Variants in RABGAP1 observed in about 807,000 individuals in gnomAD.
The protein encoded by RABGAP1 is rab GTPase-activating protein 1.
Under a neutral mutation model 137.6 loss-of-function variants are expected in RABGAP1, and 23 were observed. That is an observed-to-expected ratio of 0.17 (90% CI 0.12 to 0.24). The LOEUF is 0.24. RABGAP1 is among the 10% of genes least tolerant of loss of function. The pLI, the probability that RABGAP1 is intolerant of heterozygous loss-of-function variation, is 1.00. For synonymous variants in RABGAP1, 451 were observed against 450.7 expected, an observed-to-expected ratio of 1.00 and a Z score of -0.01; for missense variants, 906 against 1,275.8, an observed-to-expected ratio of 0.71 and a Z score of 4.42.
intron 2 of RABGAP1, among the ~76,000 whole-genome samples, chr9:122,964,421 T>C (rs1835019143): frequency 6.6e-6 from 1 of 152,136 alleles, no homozygotes; most frequent in African/African-American, 2.4e-5. Context: ...CATCTGAAAA[T>C]TATTAATGTA....
At chr9:122,933,512 G>T in the RABGAP1 span, among the ~76,000 whole-genome samples, 1 of 151,352 alleles carries the variant, frequency 6.6e-6, no homozygotes, top group African/African-American at 2.4e-5. Context: ...GGAGTGCAGT[G>T]GTGCCATCTC....
At chr9:122,993,890 C>G (rs1025170001) in intron 6 of RABGAP1, among the ~76,000 whole-genome samples, 3 of 152,194 alleles carry the variant, frequency 2.0e-5, no homozygotes, top group Non-Finnish European at 4.4e-5. Flanking sequence ...TCTCAAACTC[C>G]TGACCTCAAA....
chr9:122,990,603 C>CTACTAAAAATACAAAAT (rs1352338888), intron 6 of RABGAP1: 1 of 150,718 alleles, frequency 6.6e-6, no homozygotes, highest in Non-Finnish European at 1.5e-5. Flanking sequence ...AACCTTGTCT[C>CTACTAAAAATACAAAAT]TACTAAAAAT....
At chr9:123,078,621 G>C in intron 19 of RABGAP1, among the ~76,000 whole-genome samples, 1 of 152,104 alleles carries the variant, frequency 6.6e-6, no homozygotes, top group Admixed American at 6.5e-5. Context: ...ACCTCAGCCT[G>C]GTTCAGCACA....
chr9:123,069,684 C>T (rs534331308), intron 14 of RABGAP1, among the ~76,000 whole-genome samples: 1 of 151,986 alleles, frequency 6.6e-6, no homozygotes, highest in East Asian at 1.9e-4. Context: ...GGTTAGAGAC[C>T]AGCCTGGGCA....
intron 1 of RABGAP1, among the ~76,000 whole-genome samples, chr9:122,950,377 C>CTTTTTTTTTTTTTT (rs200424486): frequency 2.1e-3 from 155 of 74,482 alleles, no homozygotes; most frequent in Admixed American, 2.8e-3. Flanking sequence ...CTTTTTCTTT[C>CTTTTTTTTTTTTTT]TTTTTTTTTT....
At chr9:122,964,590 T>C (rs1835035222) in intron 2 of RABGAP1, among the ~76,000 whole-genome samples, 1 of 152,128 alleles carries the variant, frequency 6.6e-6, no homozygotes, top group Admixed American at 6.5e-5. Flanking sequence ...ATAAAGGACA[T>C]TTACAGAAAG....
intron 13 of RABGAP1, among the ~76,000 whole-genome samples, chr9:123,058,766 T>A (rs972324633): frequency 6.6e-6 from 1 of 152,228 alleles, no homozygotes; most frequent in Non-Finnish European, 1.5e-5. Flanking sequence ...CTTGAAGTTT[T>A]CAAAGAAATA....
intron 13 of RABGAP1, chr9:123,063,390 GCATTTATATGTTCAGTTC>G (rs1384694659): frequency 6.6e-6 from 1 of 152,616 alleles, no homozygotes; most frequent in African/African-American, 2.4e-5. Context: ...GTCTTTTCAT[GCATTTATATGTTCAGTTC>G]TCTTTGGTAA....
rs552457119 is a variant in RABGAP1 at position 123,051,216 on chromosome 9, G to GTTTTTTTTTTTTTTTTTT, written c.1795-14101_1795-14084dup. 8.8e-5 allele frequency among the ~76,000 whole-genome samples: 3 copies of GTTTTTTTTTTTTTTTTTT among 34,280 alleles called. 1 individual carries two copies. The highest frequency in any genetic ancestry group is 1.7e-4 in the Non-Finnish European group (3 of 17,836). The allele number at this position is 34,280 out of a possible 152,430, so 22.5% of individuals were successfully genotyped here. On this transcript the variant is annotated intron_variant, in intron 13 of 25. Transcript: ENST00000373647. ...ACATGTTGTGATTTTATTCACCTTG[G>GTTTTTTTTTTTTTTTTTT]TTTTTTTTTTTTTTTTTTTTTTTTT...
At chr9:122,959,860 C>T (rs1208417777) in intron 2 of RABGAP1, among the ~76,000 whole-genome samples, 1 of 152,200 alleles carries the variant, frequency 6.6e-6, no homozygotes, top group East Asian at 1.9e-4. Context: ...GCCCCTGCTC[C>T]TGGGACAGAG....
intron 13 of RABGAP1, among the ~76,000 whole-genome samples, chr9:123,058,747 C>G (rs1479042801): frequency 6.6e-6 from 1 of 152,156 alleles, no homozygotes; most frequent in Non-Finnish European, 1.5e-5. Flanking sequence ...GCCAGTCACC[C>G]CTTTTTCTCT....
rs1251556086 is a variant in RABGAP1 at position 123,076,854 on chromosome 9, TATTTATAAC to T, written c.2424+101_2424+109del. The T allele has an allele frequency of 3.5e-6, 3 of 856,134 alleles. No homozygotes were observed. In the African/African-American group the frequency reaches 5.5e-5, roughly 16 times the overall value. The allele number at this position is 856,134 out of a possible 1,614,324, so 53.0% of individuals were successfully genotyped here. A position where few individuals can be genotyped will look rare whatever the true frequency, so the allele number is the denominator to read the frequency against. On this transcript the variant is annotated intron_variant, in intron 19 of 25. Coordinates refer to ENST00000373647, the MANE Select transcript of RABGAP1 (RefSeq NM_012197.4). Reference sequence around the variant, plus strand: ...ATAATACATAATTATTTATGTATTATATTTATAACATTTATAATACATATTAGTGTTAAC... The same window carrying T: ...ATAATACATAATTATTTATGTATTATATTTATAATACATATTAGTGTTAAC...
chr9:122,943,965 A>T (rs943397021), intron 1 of RABGAP1, among the ~76,000 whole-genome samples: 2 of 152,142 alleles, frequency 1.3e-5, no homozygotes, highest in African/African-American at 2.4e-5. Flanking sequence ...AAAAAAAAGA[A>T]GTTTTTGTTT....
intron 13 of RABGAP1, chr9:123,035,433 C>T (rs1158480023): frequency 1.3e-5 from 21 of 1,614,154 alleles, no homozygotes; most frequent in East Asian, 2.2e-5. Context: ...CCTTCTTGAC[C>T]ACCTGGCTTG....
chr9:122,938,162 G>A (rs1250044817), upstream of RABGAP1: 1 of 152,102 alleles, frequency 6.6e-6, no homozygotes, highest in African/African-American at 2.4e-5. Flanking sequence ...TTTACCTCCT[G>A]CTTCCTTAGC....
chr9:123,002,778 TA>T (rs1203257248), intron 10 of RABGAP1, among the ~76,000 whole-genome samples: 1 of 152,122 alleles, frequency 6.6e-6, no homozygotes, highest in Non-Finnish European at 1.5e-5. Context: ...TTAGTTAGGC[TA>T]AAAAATGACT....
intron 2 of RABGAP1, among the ~76,000 whole-genome samples, chr9:122,959,059 A>T (rs1834699829): frequency 6.6e-6 from 1 of 152,044 alleles, no homozygotes; most frequent in Non-Finnish European, 1.5e-5. Flanking sequence ...AGGAATAAAT[A>T]AAAAACAGTA....
At chr9:123,059,252 C>T (rs112076585) in intron 13 of RABGAP1, among the ~76,000 whole-genome samples, 134 of 152,240 alleles carry the variant, frequency 8.8e-4, no homozygotes, top group African/African-American at 3.0e-3. Flanking sequence ...CCCCAAAATT[C>T]ATATGTTAAA....
Sources: gnomAD v4.1 joint callset for allele counts (sites outside exome capture counted in the v4.1 genomes callset) on GRCh38, gnomAD v4.1.1 for gene constraint, MANE v1.5 for transcripts, NCBI Gene and HGNC (gene_info 2026-07-23, HGNC 2026-07-21) for gene names.